Variants in LPP observed in about 807,000 individuals in gnomAD.
LPP encodes lipoma-preferred partner.
A neutral mutation model predicts 60.4 loss-of-function variants in LPP; 38 were observed. The observed-to-expected ratio is 0.63, with a 90% confidence interval of 0.49 to 0.83. The LOEUF is 0.83. LPP is among the 40% of genes least tolerant of loss of function. LPP has a pLI of 0.00. For synonymous variants in LPP, 328 were observed against 290.8 expected (o/e 1.13, Z -1.30); for missense variants, 902 against 783.6 (o/e 1.15, Z -1.80).
At position 188,427,416 on chromosome 3, in the gene LPP, A is replaced by T. The variant is rs1485627451; in HGVS notation, c.193+21103A>T. ...TCCTTCATTTCAACCTTGGTGGGGT[A>T]ACCCAATCTTTCTCTCTGGCTGCCC... On this transcript the variant is annotated intron_variant, in intron 4 of 11. Coordinates refer to ENST00000617246, the MANE Select transcript of LPP (RefSeq NM_001375462.1). Among the ~76,000 whole-genome samples the T allele has an allele frequency of 5.3e-5, 8 of 152,166 alleles. No homozygotes were observed. In the East Asian group the frequency reaches 1.5e-3, roughly 29 times the overall value.
intron 3 of LPP, among the ~76,000 whole-genome samples, chr3:188,348,313 A>AT (rs1185392065): frequency 6.6e-6 from 1 of 151,880 alleles, no homozygotes; most frequent in African/African-American, 2.4e-5. Context: ...CGCCCAGCTA[A>AT]TTTTTTGTAT....
chr3:188,336,725 G>C (rs1040210920), intron 2 of LPP, among the ~76,000 whole-genome samples: 2 of 152,144 alleles, frequency 1.3e-5, no homozygotes, highest in African/African-American at 4.8e-5. Context: ...AGGTAGACCA[G>C]CTCCAGGGAA....
chr3:188,179,831 G>T, intron 1 of LPP: 1 of 281,592 alleles, frequency 3.6e-6, no homozygotes, highest in Non-Finnish European at 7.0e-6. Context: ...CCTGCCTTGG[G>T]TCCATTTGAC....
chr3:188,412,869 G>GA (rs1402805123), intron 4 of LPP, among the ~76,000 whole-genome samples: 9 of 152,188 alleles, frequency 5.9e-5, no homozygotes, highest in Admixed American at 2.0e-4. Context: ...GTGAGGTTAC[G>GA]AATGTATTAT....
chr3:188,869,923 A>AC (rs1301038820), intron 10 of LPP, among the ~76,000 whole-genome samples: 1 of 152,204 alleles, frequency 6.6e-6, no homozygotes, highest in Non-Finnish European at 1.5e-5. Flanking sequence ...TATCTCCCCT[A>AC]CCCTAACACA....
intron 2 of LPP, among the ~76,000 whole-genome samples, chr3:188,250,726 C>CTTTCTT (rs1560158105): frequency 3.8e-5 from 1 of 26,486 alleles, no homozygotes; most frequent in Non-Finnish European, 7.5e-5. Flanking sequence ...TTCTTTCTCT[C>CTTTCTT]TTTCTTTCTT....
intron 2 of LPP, among the ~76,000 whole-genome samples, chr3:188,259,818 A>T (rs1247595216): frequency 6.6e-6 from 1 of 152,196 alleles, no homozygotes. Flanking sequence ...TAGTTACAGA[A>T]TATCCCCTGC....
At chr3:188,652,273 C>T (rs1485224660) in intron 7 of LPP, among the ~76,000 whole-genome samples, 1 of 152,126 alleles carries the variant, frequency 6.6e-6, no homozygotes, top group African/African-American at 2.4e-5. Context: ...ATGCTTTCAC[C>T]GAACATGCAT....
At chr3:188,612,416 T>C (rs113087632) in intron 7 of LPP, among the ~76,000 whole-genome samples, 7 of 152,186 alleles carry the variant, frequency 4.6e-5, no homozygotes, top group Non-Finnish European at 8.8e-5. Context: ...ATATTGACTG[T>C]TTGGCTTAAT....
Position 188,883,594 on chromosome 3 carries a change from G to A in LPP, c.*9115G>A, listed in dbSNP as rs765113809. On this transcript the variant is annotated 3_prime_UTR_variant, in exon 12 of 12. Transcript: ENST00000617246. ...AAAAAAATACAAAAATTAGCCGGGC[G>A]TGTTGGCGGGCGCCTGTAGTCCCAA... 14 of 180,398 alleles carry A rather than the reference G, an allele frequency of 7.8e-5. No individual in the cohort carries two copies. The highest frequency in any genetic ancestry group is 2.0e-4 in the South Asian group (1 of 5,058). 11.2% of individuals were successfully genotyped at this position (180,398 alleles called of 1,614,324 possible). A position where few individuals can be genotyped will look rare whatever the true frequency, so the allele number is the denominator to read the frequency against.
chr3:188,753,982 G>A (rs190000439), intron 8 of LPP, among the ~76,000 whole-genome samples: 2 of 152,258 alleles, frequency 1.3e-5, no homozygotes, highest in African/African-American at 2.4e-5. Context: ...TATTCACAGA[G>A]CTAAATGGCA....
At chr3:188,785,521 TATATATATTCCATC>T (rs1169678827) in intron 9 of LPP, among the ~76,000 whole-genome samples, 11 of 50,940 alleles carry the variant, frequency 2.2e-4, no homozygotes, top group Non-Finnish European at 3.2e-4. Context: ...TATATATATA[TATATATATTCCATC>T]ATATATATAT....
chr3:188,818,305 C>T (rs1753029780), intron 9 of LPP, among the ~76,000 whole-genome samples: 1 of 152,094 alleles, frequency 6.6e-6, no homozygotes, highest in South Asian at 2.1e-4. Flanking sequence ...TCTGTCAGAA[C>T]TATTTAATAG....
intron 3 of LPP, among the ~76,000 whole-genome samples, chr3:188,379,506 AAAAC>A (rs1421174600): frequency 1.3e-5 from 2 of 152,192 alleles, no homozygotes; most frequent in South Asian, 2.1e-4. Context: ...CCCTCACCAA[AAAAC>A]AAACAAACAA....
chr3:188,874,602 T>A lies in LPP; in HGVS notation c.*123T>A. On this transcript the variant is annotated 3_prime_UTR_variant, in exon 12 of 12. Coordinates refer to ENST00000617246, the MANE Select transcript of LPP (RefSeq NM_001375462.1). Reference sequence around the variant, plus strand: ...TTCTTCATCTGCTATTAACCTTGCCTTAGAAACACATAAATTATGAGATTT... The same window carrying A: ...TTCTTCATCTGCTATTAACCTTGCCATAGAAACACATAAATTATGAGATTT... The A allele has an allele frequency of 9.2e-7, 1 of 1,087,458 alleles. No homozygotes were observed. The highest frequency in any genetic ancestry group is 1.3e-6 in the Non-Finnish European group (1 of 776,454). 67.4% of individuals were successfully genotyped at this position (1,087,458 alleles called of 1,614,324 possible). A position where few individuals can be genotyped will look rare whatever the true frequency, so the allele number is the denominator to read the frequency against.
At chr3:188,873,548 C>T (rs1020803871) in intron 11 of LPP, among the ~76,000 whole-genome samples, 12 of 151,912 alleles carry the variant, frequency 7.9e-5, no homozygotes, top group African/African-American at 2.7e-4. Context: ...GAGCTGTCAG[C>T]GGTAGTATAT....
At chr3:188,291,210 G>A (rs1415442701) in intron 2 of LPP, among the ~76,000 whole-genome samples, 1 of 152,120 alleles carries the variant, frequency 6.6e-6, no homozygotes, top group East Asian at 1.9e-4. Flanking sequence ...TATAAAGCCT[G>A]TGTGTGTATG....
At chr3:188,487,565 G>A (rs1024816547) in intron 5 of LPP, among the ~76,000 whole-genome samples, 2 of 152,190 alleles carry the variant, frequency 1.3e-5, no homozygotes, top group African/African-American at 4.8e-5. Context: ...AATCTGGTAG[G>A]GAGAGGCCTG....
At chr3:188,567,315 T>C (rs1015300616) in intron 6 of LPP, among the ~76,000 whole-genome samples, 6 of 151,930 alleles carry the variant, frequency 3.9e-5, no homozygotes, top group African/African-American at 1.2e-4. Flanking sequence ...ATAGGACCCA[T>C]CTCATAGGAT....
Sources: gnomAD v4.1 joint callset for allele counts (sites outside exome capture counted in the v4.1 genomes callset) on GRCh38, gnomAD v4.1.1 for gene constraint, MANE v1.5 for transcripts, NCBI Gene and HGNC (gene_info 2026-07-23, HGNC 2026-07-21) for gene names.